The following JPT1 variants were observed in gnomAD, a reference collection of about 807,000 sequenced individuals.
JPT1 encodes androgen-regulated protein 2.
Under a neutral mutation model 17.0 loss-of-function variants are expected in JPT1, and 5 were observed. The observed-to-expected ratio is 0.29, with a 90% CI of 0.15 to 0.62. JPT1 has a LOEUF of 0.62. Ranked by LOEUF, JPT1 falls within the 20% of genes least tolerant of loss-of-function variation. JPT1 has a pLI of 0.85. For synonymous variants in JPT1, 71 were observed against 73.6 expected, an observed-to-expected ratio of 0.96 and a Z score of 0.18; for missense variants, 158 against 188.1, an observed-to-expected ratio of 0.84 and a Z score of 0.94.
Position 75,148,290 on chromosome 17 carries a change from G to A in JPT1, c.199+239C>T, listed in dbSNP as rs116852429. Among the ~76,000 whole-genome samples, 429 of 152,226 alleles carry A rather than the reference G, an allele frequency of 2.8e-3. 12 individuals are homozygous for A. In the East Asian group the frequency reaches 0.077, roughly 27 times the overall value. ...ACACAGGGTTTCACTCTGTCACCTA[G>A]GCTGGAGGGCAGTGGCTCAATCACA... On this transcript the variant is annotated intron_variant, in intron 2 of 4. Coordinates refer to ENST00000409753, the MANE Select transcript of JPT1 (RefSeq NM_016185.4).
intron 4 of JPT1, chr17:75,138,371 AGGCAGTAAG>A (rs2074247572): frequency 6.6e-6 from 1 of 152,238 alleles, no homozygotes; most frequent in Non-Finnish European, 1.5e-5. Flanking sequence ...TTGCCTGAAA[AGGCAGTAAG>A]GGCAGTTAAT....
chr17:75,139,225 G>T (rs991551762), intron 4 of JPT1, among the ~76,000 whole-genome samples: 1 of 152,200 alleles, frequency 6.6e-6, no homozygotes, highest in African/African-American at 2.4e-5. Context: ...CATTTCTGCT[G>T]GTGGGACATG....
chr17:75,150,072 G>A (rs1001340630), intron 1 of JPT1, among the ~76,000 whole-genome samples: 1 of 152,082 alleles, frequency 6.6e-6, no homozygotes, highest in East Asian at 1.9e-4. Flanking sequence ...GTCTATATCA[G>A]TGTTCCTTTG....
At chr17:75,150,580 GT>G (rs1270566348) in intron 1 of JPT1, among the ~76,000 whole-genome samples, 1 of 151,894 alleles carries the variant, frequency 6.6e-6, no homozygotes, top group Non-Finnish European at 1.5e-5. Context: ...TAAAGACAGG[GT>G]TTCACCATGT....
At chr17:75,140,640 T>A (rs1163848491) in intron 4 of JPT1, among the ~76,000 whole-genome samples, 3 of 152,132 alleles carry the variant, frequency 2.0e-5, no homozygotes, top group African/African-American at 7.2e-5. Context: ...TGAATTGGGG[T>A]TGACCTTTAA....
intron 4 of JPT1, among the ~76,000 whole-genome samples, chr17:75,136,791 A>C (rs1248627026): frequency 1.3e-5 from 2 of 152,044 alleles, no homozygotes; most frequent in East Asian, 3.9e-4. Flanking sequence ...CGCCTGGCCC[A>C]AGGACATGAA....
intron 4 of JPT1, among the ~76,000 whole-genome samples, chr17:75,144,690 GGGAA>G (rs1441862282): frequency 1.3e-5 from 2 of 152,046 alleles, no homozygotes; most frequent in African/African-American, 4.8e-5. Context: ...TACAACTGGT[GGGAA>G]GGAAGGGGCA....
At chr17:75,146,075 C>G (rs2074426163) in intron 4 of JPT1, among the ~76,000 whole-genome samples, 1 of 150,870 alleles carries the variant, frequency 6.6e-6, no homozygotes, top group Non-Finnish European at 1.5e-5. Flanking sequence ...GACACCTGGT[C>G]TCAAAAAAAA....
In JPT1 at chr17:75,135,975, AG is replaced by A; in HGVS notation, c.*126del. 6.4e-7 allele frequency: 1 copy of A among 1,567,498 alleles called. No individual in the cohort carries two copies. Among genetic ancestry groups the A allele is most frequent in the South Asian group, 1.2e-5 (1 of 84,634 alleles). On this transcript the variant is annotated 3_prime_UTR_variant, in exon 5 of 5. Coordinates refer to ENST00000409753, the MANE Select transcript of JPT1 (RefSeq NM_016185.4). ...CTGTTCTTCAAAAGAAAAAAAAAAA[AG>A]ACAGCAGTACATAAAGTGCTTCTTT...
At chr17:75,143,914 T>C (rs188767636) in intron 4 of JPT1, among the ~76,000 whole-genome samples, 2 of 152,010 alleles carry the variant, frequency 1.3e-5, no homozygotes, top group Non-Finnish European at 2.9e-5. Context: ...GTGGCTCACT[T>C]TGGGAGGCAA....
intron 1 of JPT1, among the ~76,000 whole-genome samples, chr17:75,151,767 C>T (rs994482105): frequency 6.6e-6 from 1 of 151,964 alleles, no homozygotes; most frequent in Non-Finnish European, 1.5e-5. Flanking sequence ...GTCAGGAGTT[C>T]GAGACCAGCT....
intron 1 of JPT1, among the ~76,000 whole-genome samples, chr17:75,152,450 T>G (rs569624771): frequency 1.3e-5 from 2 of 152,110 alleles, no homozygotes; most frequent in South Asian, 4.2e-4. Flanking sequence ...GGTGAGAATA[T>G]AGAAAAAGGG....
chr17:75,144,561 A>G (rs139840401), intron 4 of JPT1, among the ~76,000 whole-genome samples: 16 of 152,288 alleles, frequency 1.1e-4, no homozygotes, highest in South Asian at 2.1e-4. Context: ...ACCTGTAAAC[A>G]TAAGTGTTTC....
intron 4 of JPT1, among the ~76,000 whole-genome samples, chr17:75,141,647 CA>C: frequency 6.8e-6 from 1 of 147,520 alleles, no homozygotes; most frequent in African/African-American, 2.5e-5. Flanking sequence ...GTGAGACTCT[CA>C]AAAAAAACAA....
intron 4 of JPT1, among the ~76,000 whole-genome samples, chr17:75,139,400 A>C (rs531017485): frequency 6.6e-6 from 1 of 152,194 alleles, no homozygotes; most frequent in Non-Finnish European, 1.5e-5. Context: ...TACTAATCTT[A>C]TATTTGTCTT....
Position 75,151,269 on chromosome 17 carries a change from G to A in JPT1, c.57-2598C>T, listed in dbSNP as rs1437995303. ...AATCGCTTGAACCCTGTAGGAGGCGGAGCCTACAGTAAGCTAAGATCACAC... is the reference window on the plus strand; with the variant it reads ...AATCGCTTGAACCCTGTAGGAGGCGAAGCCTACAGTAAGCTAAGATCACAC... On this transcript the variant is annotated intron_variant, in intron 1 of 4. Transcript: ENST00000409753. Among the ~76,000 whole-genome samples, 4 of 152,086 alleles carry A rather than the reference G, an allele frequency of 2.6e-5. No homozygotes were observed. In the East Asian group the frequency reaches 7.7e-4, roughly 29 times the overall value.
At chr17:75,148,250 TTTTG>T (rs1249791257) in intron 2 of JPT1, among the ~76,000 whole-genome samples, 3 of 152,258 alleles carry the variant, frequency 2.0e-5, no homozygotes, top group Non-Finnish European at 2.9e-5. Context: ...TTGGTTTTTC[TTTTG>T]TTTGTTTTTG....
At chr17:75,144,521 A>T (rs190479744) in intron 4 of JPT1, among the ~76,000 whole-genome samples, 19 of 151,662 alleles carry the variant, frequency 1.3e-4, no homozygotes, top group South Asian at 8.4e-4. Flanking sequence ...AGAAAAAAAT[A>T]AAAAAAAATG....
intron 1 of JPT1, 135 bp from the exon 2 acceptor site, chr17:75,148,806 G>T: frequency 9.4e-7 from 1 of 1,069,142 alleles, no homozygotes; most frequent in African/African-American, 1.6e-5. Context: ...CTGCTAACAG[G>T]AAAAAAGAAT....
Sources: allele counts gnomAD v4.1 joint callset (sites outside exome capture counted in the v4.1 genomes callset), GRCh38; gene constraint gnomAD v4.1.1; transcripts MANE v1.5; gene names NCBI Gene and HGNC (gene_info 2026-07-23, HGNC 2026-07-21).